Variants in AGPS observed in about 807,000 individuals in gnomAD.
The protein encoded by AGPS is alkylglycerone phosphate synthase.
Under a neutral mutation model 90.7 loss-of-function variants are expected in AGPS, and 26 were observed. That is an observed-to-expected ratio of 0.29 (90% CI 0.21 to 0.40). The LOEUF is 0.40. AGPS is among the 10% of genes least tolerant of loss of function. The pLI, the probability that AGPS is intolerant of heterozygous loss-of-function variation, is 1.00. For missense variants in AGPS, 540 were observed against 816.1 expected (o/e 0.66, Z 4.12); for synonymous variants, 294 against 285.3 (o/e 1.03, Z -0.31).
At chr2:177,421,756 T>C (rs1164993362) in intron 2 of AGPS, among the ~76,000 whole-genome samples, 1 of 152,162 alleles carries the variant, frequency 6.6e-6, no homozygotes, top group African/African-American at 2.4e-5. Flanking sequence ...GAAACATCGA[T>C]GTAGAGATCG....
intron 1 of AGPS, among the ~76,000 whole-genome samples, chr2:177,414,363 A>G (rs1685724503): frequency 6.6e-6 from 1 of 151,668 alleles, no homozygotes; most frequent in South Asian, 2.1e-4. Context: ...GCACCACCAC[A>G]CCTGGCTTTT....
chr2:177,482,044 C>A lies in AGPS; in HGVS notation c.1106-15C>A. ...TCATGTGATGTACTGGATTATTCCC[C>A]CTTCTTTTTTTCAGGAACTCTTGGT... On this transcript the variant is annotated splice_polypyrimidine_tract_variant and intron_variant, in intron 10 of 19. Coordinates refer to ENST00000264167, the MANE Select transcript of AGPS (RefSeq NM_003659.4). 1 of 1,589,396 alleles carries A rather than the reference C, an allele frequency of 6.3e-7. No homozygotes were observed. Among genetic ancestry groups the A allele is most frequent in the East Asian group, 2.3e-5 (1 of 43,430 alleles).
chr2:177,412,452 A>G (rs1685648527), intron 1 of AGPS, among the ~76,000 whole-genome samples: 1 of 152,186 alleles, frequency 6.6e-6, no homozygotes, highest in Admixed American at 6.5e-5. Flanking sequence ...CTCCCAACCC[A>G]GAAGGTTTGG....
chr2:177,448,822 A>G (rs1686852770), intron 8 of AGPS, among the ~76,000 whole-genome samples: 1 of 152,096 alleles, frequency 6.6e-6, no homozygotes, highest in Non-Finnish European at 1.5e-5. Context: ...CTCCTTTATA[A>G]TCCTTTCCCA....
At position 177,497,779 on chromosome 2, in the gene AGPS, T is replaced by C. The variant is rs1220236117; in HGVS notation, c.1362+14T>C. Reference sequence around the variant, plus strand: ...TATATTACAAAGGTAAGAATTTTTATAAAATGCTAAAATTGTAAATGCTTA... The same window carrying C: ...TATATTACAAAGGTAAGAATTTTTACAAAATGCTAAAATTGTAAATGCTTA... On this transcript the variant is annotated intron_variant, in intron 13 of 19. Coordinates refer to ENST00000264167, the MANE Select transcript of AGPS (RefSeq NM_003659.4). 1.5e-6 allele frequency: 2 copies of C among 1,328,250 alleles called. No homozygotes were observed. Among genetic ancestry groups the C allele is most frequent in the Non-Finnish European group, 2.1e-6 (2 of 933,550 alleles). The allele number at this position is 1,328,250 out of a possible 1,614,324, so 82.3% of individuals were successfully genotyped here.
At chr2:177,447,289 C>A (rs1686804733) in intron 8 of AGPS, among the ~76,000 whole-genome samples, 1 of 151,862 alleles carries the variant, frequency 6.6e-6, no homozygotes, top group African/African-American at 2.4e-5. Flanking sequence ...TTATTTAATG[C>A]AGTCAGATGC....
Position 177,482,066 on chromosome 2 carries a change from T to C in AGPS, c.1113T>C (p.Leu371=). The C allele has an allele frequency of 6.2e-7, 1 of 1,600,524 alleles. No homozygotes were observed. Residue 371 remains leucine (L), a synonymous_variant, in exon 11 of 20, where the codon CTT becomes CTC. Transcript: ENST00000264167. ...CCCCCTTCTTTTTTTCAGGAACTCT[T>C]GGTGTAATAACAGAAGCTACAATAA... The part of the protein sequence containing the change: ...HHFIMGSEGT[L]GVITEATIKI...
At chr2:177,414,243 C>T (rs1685721747) in intron 1 of AGPS, among the ~76,000 whole-genome samples, 1 of 152,092 alleles carries the variant, frequency 6.6e-6, no homozygotes. Context: ...GGACCTCACT[C>T]TGTCACCCAG....
chr2:177,505,987 CTGA>C (rs776412464), intron 15 of AGPS, among the ~76,000 whole-genome samples: 22 of 151,946 alleles, frequency 1.4e-4, no homozygotes, highest in Non-Finnish European at 4.4e-5. Flanking sequence ...TATTTGTTCA[CTGA>C]TGATGATTAT....
chr2:177,497,832 C>T, intron 13 of AGPS, 67 bp downstream of exon 13: 1 of 832,764 alleles, frequency 1.2e-6, no homozygotes, highest in South Asian at 1.7e-5. Context: ...TTTCTTCCCA[C>T]ATGCACCTAT....
chr2:177,521,829 A>G (rs983265127), intron 18 of AGPS, among the ~76,000 whole-genome samples: 3 of 152,128 alleles, frequency 2.0e-5, no homozygotes, highest in African/African-American at 7.2e-5. Flanking sequence ...AGCAGTTTCT[A>G]TTACTTTCTT....
intron 3 of AGPS, among the ~76,000 whole-genome samples, chr2:177,435,023 ATG>A (rs1686361504): frequency 2.0e-5 from 3 of 147,004 alleles, no homozygotes; most frequent in Admixed American, 6.8e-5. Context: ...ATATATATAT[ATG>A]TATGAAACTA....
chr2:177,418,295 A>T (rs143526016), intron 1 of AGPS, among the ~76,000 whole-genome samples: 1 of 152,132 alleles, frequency 6.6e-6, no homozygotes, highest in African/African-American at 2.4e-5. Flanking sequence ...CTTTCCTGCT[A>T]TCTTGATTCA....
chr2:177,523,798 C>T lies in AGPS; in HGVS notation c.1848C>T (p.His616=), dbSNP rs1226302834. The T allele has an allele frequency of 1.2e-6, 2 of 1,612,966 alleles. No homozygotes were observed. The highest frequency in any genetic ancestry group is 1.7e-6 in the Non-Finnish European group (2 of 1,179,156). Residue 616 remains histidine, a synonymous_variant, in exon 19 of 20, where the codon CAC becomes CAT. Coordinates refer to ENST00000264167, the MANE Select transcript of AGPS (RefSeq NM_003659.4). ...CTAATGGAGGGAGCCTGTCACATCA[C>T]CATGGAGGTATTCTTTTTTGGGAGT... is the stretch of plus-strand genomic sequence containing the variant. ...ILANGGSLSH[H]HGVGKLRKQW...
intron 10 of AGPS, among the ~76,000 whole-genome samples, chr2:177,472,835 T>G (rs1384719440): frequency 1.3e-5 from 2 of 152,082 alleles, no homozygotes; most frequent in African/African-American, 4.8e-5. Flanking sequence ...CTGCAAGGAG[T>G]CCACATACTT....
intron 10 of AGPS, among the ~76,000 whole-genome samples, chr2:177,469,797 A>G (rs1188785594): frequency 6.6e-6 from 1 of 152,198 alleles, no homozygotes; most frequent in Non-Finnish European, 1.5e-5. Flanking sequence ...AGTCAACTCT[A>G]TAAATATAAA....
rs183854039 is a variant in AGPS at position 177,462,166 on chromosome 2, G to A, written c.996+148G>A. ...AGCACTTTGGGAGGCCGAGGCGGGC[G>A]GATCATGAGGTCAGGAGATCGAGAC... On this transcript the variant is annotated intron_variant, in intron 9 of 19. Coordinates refer to ENST00000264167, the MANE Select transcript of AGPS (RefSeq NM_003659.4). 6.7e-3 allele frequency: 3,504 copies of A among 526,456 alleles called. 106 individuals are homozygous for A. The highest frequency in any genetic ancestry group is 0.062 in the African/African-American group (3,159 of 50,754). The allele number at this position is 526,456 out of a possible 1,614,324, so 32.6% of individuals were successfully genotyped here.
chr2:177,403,417 G>A (rs1053382946), intron 1 of AGPS, among the ~76,000 whole-genome samples: 1 of 152,160 alleles, frequency 6.6e-6, no homozygotes, highest in African/African-American at 2.4e-5. Flanking sequence ...AATTAGGGTA[G>A]GAAAATCTGG....
At chr2:177,517,090 G>A (rs903886963) in intron 17 of AGPS, among the ~76,000 whole-genome samples, 3 of 152,016 alleles carry the variant, frequency 2.0e-5, no homozygotes, top group African/African-American at 4.8e-5. Flanking sequence ...AGTAAAAAGA[G>A]TATTTCCTCT....
Sources: gnomAD v4.1 joint callset for allele counts (sites outside exome capture counted in the v4.1 genomes callset) on GRCh38, gnomAD v4.1.1 for gene constraint, MANE v1.5 for transcripts, NCBI Gene and HGNC (gene_info 2026-07-23, HGNC 2026-07-21) for gene names.